Variants in UAP1 observed in about 807,000 individuals in gnomAD.
UAP1 encodes the protein UDP-N-acetylhexosamine pyrophosphorylase.
A neutral mutation model predicts 58.5 loss-of-function variants in UAP1; 25 were observed. The observed-to-expected ratio is 0.43, with a 90% CI of 0.31 to 0.60. UAP1 has a LOEUF of 0.60. Ranked by LOEUF, UAP1 falls within the 20% of genes least tolerant of loss-of-function variation. UAP1 has a pLI of 0.11. For missense variants in UAP1, 575 were observed against 630.0 expected (o/e 0.91, Z 0.93); for synonymous variants, 208 against 213.0 (o/e 0.98, Z 0.21).
At chr1:162,581,423 A>G in exon 5 of UAP1, 1 of 1,614,022 alleles carries the variant, frequency 6.2e-7, no homozygotes. Flanking sequence ...GGTTCATTGG[A>G]TTTTGCATTC....
At chr1:162,584,235 C>T (rs1571078489) in intron 5 of UAP1, among the ~76,000 whole-genome samples, 1 of 152,112 alleles carries the variant, frequency 6.6e-6, no homozygotes, top group Non-Finnish European at 1.5e-5. Context: ...ACTGTTTAGT[C>T]CTGTGTCTGG....
chr1:162,580,836 T>C (rs917945467), intron 4 of UAP1, among the ~76,000 whole-genome samples: 2 of 152,216 alleles, frequency 1.3e-5, no homozygotes, highest in African/African-American at 4.8e-5. Flanking sequence ...TCAATCTGTT[T>C]TTTTAACAAA....
At chr1:162,573,363 C>G (rs1653985370) in intron 2 of UAP1, among the ~76,000 whole-genome samples, 1 of 152,086 alleles carries the variant, frequency 6.6e-6, no homozygotes, top group African/African-American at 2.4e-5. Flanking sequence ...CATTTACTAG[C>G]TATGTGACCC....
chr1:162,579,679 A>C (rs1654463085), intron 4 of UAP1, 76 bp downstream of exon 4: 1 of 1,268,244 alleles, frequency 7.9e-7, no homozygotes, highest in African/African-American at 1.5e-5. Flanking sequence ...TTTCTTTTTA[A>C]CATGGTGATT....
intron 8 of UAP1, 143 bp downstream of exon 8, chr1:162,590,654 A>G (rs765099262): frequency 9.6e-6 from 5 of 522,124 alleles, no homozygotes; most frequent in Non-Finnish European, 1.6e-5. Flanking sequence ...GATGTGAAAT[A>G]ACAGTAGCTT....
At chr1:162,577,605 T>C (rs1237580759) in intron 3 of UAP1, among the ~76,000 whole-genome samples, 1 of 151,240 alleles carries the variant, frequency 6.6e-6, no homozygotes, top group Non-Finnish European at 1.5e-5. Flanking sequence ...CCTGCCACCA[T>C]GCCTGGCTAA....
chr1:162,588,744 T>C, exon 7 of UAP1: 1 of 1,612,582 alleles, frequency 6.2e-7, no homozygotes, highest in East Asian at 2.2e-5. Context: ...AGATTCCTTA[T>C]GTGGATACCC....
intron 2 of UAP1, among the ~76,000 whole-genome samples, chr1:162,567,956 C>T (rs567819613): frequency 5.9e-5 from 9 of 152,072 alleles, no homozygotes; most frequent in Non-Finnish European, 1.2e-4. Flanking sequence ...CCACCATGCC[C>T]GGCTAAGTTT....
chr1:162,590,349 G>T (rs146235126), exon 8 of UAP1: 1 of 1,612,412 alleles, frequency 6.2e-7, no homozygotes, highest in Non-Finnish European at 8.5e-7. Context: ...GAAGTATTGC[G>T]AGAAGATGAG....
At chr1:162,578,679 T>C (rs1339754088) in intron 3 of UAP1, among the ~76,000 whole-genome samples, 1 of 152,224 alleles carries the variant, frequency 6.6e-6, no homozygotes, top group African/African-American at 2.4e-5. Flanking sequence ...TATCCAAACC[T>C]TTTGTACCTA....
At chr1:162,588,468 G>A (rs975307795) in intron 6 of UAP1, among the ~76,000 whole-genome samples, 3 of 152,180 alleles carry the variant, frequency 2.0e-5, no homozygotes, top group East Asian at 1.9e-4. Flanking sequence ...TAATGCACAC[G>A]TACACAGTTT....
chr1:162,579,343 C>A, intron 3 of UAP1, 85 bp from the exon 4 acceptor site: 1 of 1,029,220 alleles, frequency 9.7e-7, no homozygotes. Context: ...TCAAAGATAT[C>A]TTTAGCTTAG....
intron 9 of UAP1, among the ~76,000 whole-genome samples, chr1:162,594,284 A>G (rs1655492911): frequency 6.6e-6 from 1 of 152,164 alleles, no homozygotes; most frequent in South Asian, 2.1e-4. Context: ...GGAGCACACA[A>G]CCTAGATCCC....
At chr1:162,595,834 A>G (rs1024219817) in intron 9 of UAP1, among the ~76,000 whole-genome samples, 1 of 152,032 alleles carries the variant, frequency 6.6e-6, no homozygotes, top group Non-Finnish European at 1.5e-5. Context: ...TGTCTAATAC[A>G]TTTATTTTTT....
intron 5 of UAP1, among the ~76,000 whole-genome samples, chr1:162,585,842 A>T (rs1209726436): frequency 6.6e-6 from 1 of 151,972 alleles, no homozygotes; most frequent in Non-Finnish European, 1.5e-5. Flanking sequence ...GCCTAGTAAG[A>T]TACCCACTGT....
chr1:162,589,290 A>AT lies in UAP1; in HGVS notation c.1169+459dup, dbSNP rs1655153652. On this transcript the variant is annotated intron_variant, in intron 7 of 10. Transcript: ENST00000271469. The stretch of plus-strand genomic sequence containing the variant: ...TTATTTATAATATATATAAATATAT[A>AT]TTGTTTATATTATATATATAAATAA... 3.8e-5 allele frequency among the ~76,000 whole-genome samples: 5 copies of AT among 131,906 alleles called. No homozygotes were observed. In the South Asian group the frequency reaches 1.1e-3, roughly 29 times the overall value. The allele number at this position is 131,906 out of a possible 152,430, so 86.5% of individuals were successfully genotyped here.
intron 2 of UAP1, among the ~76,000 whole-genome samples, chr1:162,566,713 A>C (rs1357610782): frequency 6.6e-6 from 1 of 151,014 alleles, no homozygotes; most frequent in Non-Finnish European, 1.5e-5. Flanking sequence ...TGCAACCTCC[A>C]CCTCCTGGGC....
intron 1 of UAP1, among the ~76,000 whole-genome samples, chr1:162,565,342 T>C (rs778153195): frequency 6.6e-6 from 1 of 152,244 alleles, no homozygotes; most frequent in Non-Finnish European, 1.5e-5. Context: ...TATAGCTCTT[T>C]AGAAAACATT....
intron 3 of UAP1, 82 bp downstream of exon 3, chr1:162,577,063 C>G: frequency 8.1e-7 from 1 of 1,240,374 alleles, no homozygotes; most frequent in Non-Finnish European, 1.1e-6. Flanking sequence ...TTTATGCACT[C>G]ACAGACATAT....
Sources: gnomAD v4.1 joint callset for allele counts (sites outside exome capture counted in the v4.1 genomes callset) on GRCh38, gnomAD v4.1.1 for gene constraint, MANE v1.5 for transcripts, NCBI Gene and HGNC (gene_info 2026-07-23, HGNC 2026-07-21) for gene names.